The following PAK3 variants were observed in gnomAD, a reference collection of about 807,000 sequenced individuals.
PAK3 encodes the protein serine/threonine-protein kinase PAK 3.
In PAK3, 4 loss-of-function variants were observed where a neutral mutation model predicts 41.0. The observed-to-expected ratio is 0.10, with a 90% confidence interval of 0.05 to 0.22. The LOEUF (loss-of-function observed/expected upper bound fraction) is 0.22. PAK3 is among the 10% of genes least tolerant of loss of function. PAK3 has a pLI of 1.00. For missense variants in PAK3, 205 were observed against 409.9 expected (o/e 0.50, Z 4.32); for synonymous variants, 146 against 139.6 (o/e 1.05, Z -0.32).
At chrX:111,144,778 A>G in intron 6 of PAK3, 2 of 512,578 alleles carry the variant, frequency 3.9e-6, no homozygotes, top group Non-Finnish European at 6.5e-6. Context: ...AGCTAAAAGT[A>G]GGTTGGGAGG....
At chrX:111,056,401 C>G (rs1326487225) in intron 1 of PAK3, among the ~76,000 whole-genome samples, 1 of 111,826 alleles carries the variant, frequency 8.9e-6, no homozygotes, top group African/African-American at 3.3e-5. Flanking sequence ...TAAATATTTG[C>G]TTAAAAAATC....
intron 6 of PAK3, among the ~76,000 whole-genome samples, chrX:111,145,988 A>G (rs2093939333): frequency 8.9e-6 from 1 of 111,997 alleles, no homozygotes; most frequent in Non-Finnish European, 1.9e-5. Flanking sequence ...AATCACATCA[A>G]TGAGAATAAA....
In PAK3 at chrX:111,061,425, G is replaced by A. The variant is rs1447032569; in HGVS notation, c.-27-61652G>A. ...TATGCTTTGATATCTGTAAGGGGAA[G>A]TATCTCATATATTTTTAAAATTGTC... On this transcript the variant is annotated intron_variant, in intron 1 of 14. Transcript: ENST00000425146. Among the ~76,000 whole-genome samples the A allele has an allele frequency of 1.7e-4, 19 of 112,021 alleles. 1 individual carries two copies. In the Admixed American group the frequency reaches 1.8e-3, roughly 11 times the overall value.
At chrX:111,165,460 C>T (rs1319266202) in intron 10 of PAK3, among the ~76,000 whole-genome samples, 1 of 112,008 alleles carries the variant, frequency 8.9e-6, no homozygotes, top group East Asian at 2.8e-4. Context: ...CTGACCAAGT[C>T]ACCAAACCAA....
At chrX:111,003,560 G>A (rs144796250) in intron 1 of PAK3, among the ~76,000 whole-genome samples, 119 of 111,767 alleles carry the variant, frequency 1.1e-3, no homozygotes, top group African/African-American at 3.4e-3. Flanking sequence ...TTTTAGGACA[G>A]CTTGGAGGTG....
At chrX:111,115,961 C>CA (rs1404496679) in intron 4 of PAK3, among the ~76,000 whole-genome samples, 2 of 111,108 alleles carry the variant, frequency 1.8e-5, no homozygotes, top group East Asian at 2.8e-4. Context: ...CTGTGGTATG[C>CA]AAAAATCTCT....
At chrX:111,167,875 A>G (rs2094282476) in intron 10 of PAK3, among the ~76,000 whole-genome samples, 1 of 107,122 alleles carries the variant, frequency 9.3e-6, no homozygotes, top group South Asian at 4.0e-4. Flanking sequence ...AAGTATAATA[A>G]AAAAGGAAAC....
rs1246873798 is a variant in PAK3 at position 111,163,032 on chromosome X, G to A, written c.586G>A (p.Glu196Lys). Reference protein sequence around the residue: ...EPPPVIAPRPEHTKSIYTRSV... With the variant: ...EPPPVIAPRPKHTKSIYTRSV... ...ACCACCAGTTATCGCACCAAGACCAGAGCATACAAAATCAGTAAGTCACAA... is the reference window on the plus strand; with the variant it reads ...ACCACCAGTTATCGCACCAAGACCAAAGCATACAAAATCAGTAAGTCACAA... Residue 196 changes from glutamate to lysine, a missense_variant, in exon 9 of 18, where the codon GAG becomes AAG. Physicochemically the swap from Glu to Lys is moderately conservative, Grantham distance 56. Coordinates refer to ENST00000372007, the MANE Select transcript of PAK3 (RefSeq NM_002578.5). 1.7e-6 allele frequency: 2 copies of A among 1,206,439 alleles called. No homozygotes were observed. Among genetic ancestry groups the A allele is most frequent in the Non-Finnish European group, 2.2e-6 (2 of 892,465 alleles).
intron 1 of PAK3, among the ~76,000 whole-genome samples, chrX:111,076,593 C>A (rs1253165935): frequency 1.8e-5 from 2 of 111,537 alleles, no homozygotes; most frequent in Non-Finnish European, 3.8e-5. Flanking sequence ...GCCAAAATAA[C>A]CCTCTTTTCT....
At chrX:111,018,626 C>G (rs1199023438) in intron 1 of PAK3, among the ~76,000 whole-genome samples, 1 of 111,778 alleles carries the variant, frequency 8.9e-6, no homozygotes, top group Non-Finnish European at 1.9e-5. Context: ...ACATCTCATG[C>G]TCTTAGATTG....
intron 1 of PAK3, among the ~76,000 whole-genome samples, chrX:111,035,297 C>T (rs1376312685): frequency 9.0e-6 from 1 of 111,306 alleles, no homozygotes; most frequent in Non-Finnish European, 1.9e-5. Flanking sequence ...TACTTGTGGT[C>T]AACAAAAGTC....
intron 1 of PAK3, among the ~76,000 whole-genome samples, chrX:110,947,079 A>G (rs774967312): frequency 8.9e-6 from 1 of 111,873 alleles, no homozygotes; most frequent in Non-Finnish European, 1.9e-5. Context: ...TGAGACTAAG[A>G]GACTGATTAT....
intron 1 of PAK3, among the ~76,000 whole-genome samples, chrX:111,019,767 T>A (rs1315468316): frequency 9.7e-6 from 1 of 103,570 alleles, no homozygotes; most frequent in East Asian, 3.1e-4. Flanking sequence ...CCAAAGAAGA[T>A]ATACAAATGA....
At chrX:111,196,854 C>CTTTTTTT (rs375476309) in intron 16 of PAK3, among the ~76,000 whole-genome samples, 2 of 79,198 alleles carry the variant, frequency 2.5e-5, no homozygotes, top group Admixed American at 1.4e-4. Context: ...TTCTTTCTTT[C>CTTTTTTT]TTTTTTTTTT....
chrX:111,216,348 A>G, intron 16 of PAK3, 73 bp from the exon 17 acceptor site: 1 of 747,406 alleles, frequency 1.3e-6, no homozygotes, highest in South Asian at 2.1e-5. Flanking sequence ...AAGAAACTGG[A>G]TTTTTGCCGT....
chrX:110,968,258 T>C (rs1049438611), intron 1 of PAK3, among the ~76,000 whole-genome samples: 6 of 112,523 alleles, frequency 5.3e-5, no homozygotes, highest in African/African-American at 1.9e-4. Flanking sequence ...CTGCTTCCAG[T>C]TTTGGGCTTT....
chrX:111,109,860 G>A (rs1413662544), intron 4 of PAK3, among the ~76,000 whole-genome samples: 1 of 112,247 alleles, frequency 8.9e-6, no homozygotes, highest in Non-Finnish European at 1.9e-5. Flanking sequence ...AAAGCTGTGA[G>A]TAACTGCAGA....
chrX:111,204,348 T>C (rs1321133438), intron 16 of PAK3, among the ~76,000 whole-genome samples: 1 of 111,144 alleles, frequency 9.0e-6, no homozygotes, highest in Non-Finnish European at 1.9e-5. Context: ...CTCAGAATCC[T>C]TATAGCATGG....
chrX:111,025,839 CA>C (rs374978131), intron 1 of PAK3, among the ~76,000 whole-genome samples: 5,752 of 79,252 alleles, frequency 0.073, 201 homozygotes, highest in African/African-American at 0.15. Context: ...AAGGATATAA[CA>C]AAAAAAAAAA....
Sources: allele counts gnomAD v4.1 joint callset (sites outside exome capture counted in the v4.1 genomes callset), GRCh38; gene constraint gnomAD v4.1.1; transcripts MANE v1.5; gene names NCBI Gene and HGNC (gene_info 2026-07-23, HGNC 2026-07-21).